The following ADAMTSL1 variants were observed in gnomAD, a reference collection of about 807,000 sequenced individuals.
ADAMTSL1 encodes the protein ADAMTS like 1.
Under a neutral mutation model 201.8 loss-of-function variants are expected in ADAMTSL1, and 126 were observed. The observed-to-expected ratio is 0.62, with a 90% CI of 0.54 to 0.72. The LOEUF (loss-of-function observed/expected upper bound fraction) is 0.72. Ranked by LOEUF, ADAMTSL1 falls within the 30% of genes least tolerant of loss-of-function variation. ADAMTSL1 has a pLI of 0.00. For missense variants in ADAMTSL1, 2,679 were observed against 2,277.8 expected, an observed-to-expected ratio of 1.18 and a Z score of -3.59; for synonymous variants, 1,121 against 903.4, an observed-to-expected ratio of 1.24 and a Z score of -4.32.
chr9:18,268,674 C>G (rs1832234296), intron 2 of ADAMTSL1, among the ~76,000 whole-genome samples: 1 of 152,104 alleles, frequency 6.6e-6, no homozygotes, highest in African/African-American at 2.4e-5. Flanking sequence ...TCTAAATCAT[C>G]AAATACCTTT....
At chr9:18,494,342 T>A (rs1822417190) in intron 1 of ADAMTSL1, among the ~76,000 whole-genome samples, 1 of 147,278 alleles carries the variant, frequency 6.8e-6, no homozygotes. Flanking sequence ...GGTGACAGAC[T>A]GTCTCAAAAA....
At chr9:18,850,125 T>G (rs1388041585) in intron 23 of ADAMTSL1, among the ~76,000 whole-genome samples, 1 of 152,176 alleles carries the variant, frequency 6.6e-6, no homozygotes, top group Non-Finnish European at 1.5e-5. Context: ...CACCCAGGCA[T>G]GGGCTTATTT....
At chr9:18,719,435 TCTCCCTGCAACCTTCAC>T (rs1197464456) in intron 14 of ADAMTSL1, among the ~76,000 whole-genome samples, 1 of 152,116 alleles carries the variant, frequency 6.6e-6, no homozygotes, top group Non-Finnish European at 1.5e-5. Context: ...GCAACCTTCA[TCTCCCTGCAACCTTCAC>T]CTCCCATGTT....
intron 3 of ADAMTSL1, among the ~76,000 whole-genome samples, chr9:18,537,792 T>A (rs1414515827): frequency 6.6e-6 from 1 of 151,516 alleles, no homozygotes; most frequent in African/African-American, 2.4e-5. Context: ...GAGGATTGCT[T>A]GAGCCCAGGA....
At chr9:18,295,399 C>T (rs1237673826) in intron 2 of ADAMTSL1, among the ~76,000 whole-genome samples, 5 of 151,316 alleles carry the variant, frequency 3.3e-5, no homozygotes, top group East Asian at 1.9e-4. Flanking sequence ...AGTGCAGTGG[C>T]GCGATCTTGG....
intron 18 of ADAMTSL1, among the ~76,000 whole-genome samples, chr9:18,776,171 G>A (rs1407929077): frequency 6.6e-6 from 1 of 152,138 alleles, no homozygotes; most frequent in African/African-American, 2.4e-5. Context: ...GGAAGCTGGA[G>A]GCAGTGTATT....
intron 2 of ADAMTSL1, among the ~76,000 whole-genome samples, chr9:18,383,940 C>A (rs931383825): frequency 1.3e-5 from 2 of 152,072 alleles, no homozygotes; most frequent in African/African-American, 4.8e-5. Context: ...AGAATAGGCC[C>A]CAGATTCTGC....
intron 2 of ADAMTSL1, among the ~76,000 whole-genome samples, chr9:18,506,824 G>A (rs1228912323): frequency 1.3e-5 from 2 of 151,968 alleles, no homozygotes; most frequent in African/African-American, 4.8e-5. Flanking sequence ...AAAAAATGGG[G>A]CGGAGGTTGA....
At chr9:18,441,955 A>T (rs1438728751) in intron 2 of ADAMTSL1, among the ~76,000 whole-genome samples, 1 of 152,254 alleles carries the variant, frequency 6.6e-6, no homozygotes, top group East Asian at 1.9e-4. Context: ...ATGCCAAATG[A>T]AAACCCAAAT....
chr9:18,801,056 G>C (rs979127380), intron 20 of ADAMTSL1, among the ~76,000 whole-genome samples: 2 of 152,334 alleles, frequency 1.3e-5, no homozygotes, highest in African/African-American at 4.8e-5. Flanking sequence ...GCCTGGGAAT[G>C]TCTGGGAAAA....
intron 23 of ADAMTSL1, among the ~76,000 whole-genome samples, chr9:18,877,630 G>A (rs1447514456): frequency 6.6e-6 from 1 of 152,208 alleles, no homozygotes; most frequent in Admixed American, 6.5e-5. Context: ...TCTGGTGGCA[G>A]TAGAAGGGGA....
chr9:18,777,055 A>C lies in ADAMTSL1; in HGVS notation c.2826A>C (p.Ala942=), dbSNP rs1234406643. The C allele has an allele frequency of 6.2e-7, 1 of 1,612,404 alleles. No individual in the cohort carries two copies. The highest frequency in any genetic ancestry group is 1.1e-5 in the South Asian group (1 of 91,018). ...TCCACCGCCTCAAGCCCTCGGATGC[A>C]GGCGTCTACACCTGCTCAGCGGGCC... ...LKIHRLKPSD[A]GVYTCSAGPA... Residue 942 remains alanine, a synonymous_variant, in exon 19 of 29, where the codon GCA becomes GCC. Transcript: ENST00000380548.
chr9:17,914,578 A>G (rs1052359404), intron 1 of ADAMTSL1, among the ~76,000 whole-genome samples: 1 of 150,954 alleles, frequency 6.6e-6, no homozygotes, highest in African/African-American at 2.4e-5. Context: ...CTGAATGGGC[A>G]AAAACTGGAA....
chr9:18,553,607 T>G (rs898017554), intron 3 of ADAMTSL1, among the ~76,000 whole-genome samples: 1 of 151,836 alleles, frequency 6.6e-6, no homozygotes, highest in Non-Finnish European at 1.5e-5. Context: ...GAGGGTTCAT[T>G]AGAAGTGAGT....
chr9:18,528,098 G>T (rs1402072568), intron 2 of ADAMTSL1, among the ~76,000 whole-genome samples: 1 of 152,124 alleles, frequency 6.6e-6, no homozygotes, highest in Non-Finnish European at 1.5e-5. Context: ...GGCTGGTCTT[G>T]AACTCCTGAC....
At chr9:18,790,309 CT>C (rs1821949373) in intron 19 of ADAMTSL1, among the ~76,000 whole-genome samples, 2 of 152,262 alleles carry the variant, frequency 1.3e-5, no homozygotes, top group Admixed American at 6.5e-5. Flanking sequence ...GAGTCCGAGT[CT>C]CTTGGTTCCA....
chr9:18,015,313 G>C (rs1820212835), intron 1 of ADAMTSL1, among the ~76,000 whole-genome samples: 1 of 152,048 alleles, frequency 6.6e-6, no homozygotes, highest in Admixed American at 6.6e-5. Flanking sequence ...AGTTTCTAAA[G>C]GAAAGCAGGG....
chr9:17,950,873 C>T (rs1184151895), intron 1 of ADAMTSL1, among the ~76,000 whole-genome samples: 1 of 152,030 alleles, frequency 6.6e-6, no homozygotes, highest in African/African-American at 2.4e-5. Flanking sequence ...ATAAAGGCCC[C>T]ATAAATGCAA....
intron 4 of ADAMTSL1, among the ~76,000 whole-genome samples, chr9:18,600,430 A>G (rs574892449): frequency 4.6e-5 from 7 of 152,292 alleles, no homozygotes; most frequent in Admixed American, 2.0e-4. Flanking sequence ...GTCTGACCCT[A>G]TAGCCTGTGC....
Sources: allele counts gnomAD v4.1 joint callset (sites outside exome capture counted in the v4.1 genomes callset), GRCh38; gene constraint gnomAD v4.1.1; transcripts MANE v1.5; gene names NCBI Gene and HGNC (gene_info 2026-07-23, HGNC 2026-07-21).